Variants in TAFA2 observed in about 807,000 individuals in gnomAD.
The protein encoded by TAFA2 is TAFA chemokine like family member 2.
A neutral mutation model predicts 18.8 loss-of-function variants in TAFA2; 7 were observed. The observed-to-expected ratio is 0.37, with a 90% CI of 0.21 to 0.70. TAFA2 has a LOEUF of 0.70. Ranked by LOEUF, TAFA2 falls within the 30% of genes least tolerant of loss-of-function variation. The pLI is 0.53. For missense variants in TAFA2, 122 were observed against 158.1 expected, an observed-to-expected ratio of 0.77 and a Z score of 1.23; for synonymous variants, 60 against 54.2, an observed-to-expected ratio of 1.11 and a Z score of -0.47.
intron 1 of TAFA2, among the ~76,000 whole-genome samples, chr12:62,211,599 GA>G: frequency 6.7e-6 from 1 of 148,798 alleles, no homozygotes; most frequent in Admixed American, 6.7e-5. Context: ...AAAAAAGGTA[GA>G]AAAATGGCCA....
chr12:62,133,739 T>C (rs1870782494), intron 1 of TAFA2, among the ~76,000 whole-genome samples: 1 of 152,086 alleles, frequency 6.6e-6, no homozygotes, highest in South Asian at 2.1e-4. Flanking sequence ...TTGTTTGTCC[T>C]TGGACTGTAG....
At chr12:61,832,170 C>T (rs1872745275) in intron 2 of TAFA2, among the ~76,000 whole-genome samples, 1 of 152,008 alleles carries the variant, frequency 6.6e-6, no homozygotes, top group East Asian at 1.9e-4. Context: ...CCCTTAGTAA[C>T]TCACTTGTAC....
At position 61,867,452 on chromosome 12, in the gene TAFA2, C is replaced by A. The variant is rs888897143; in HGVS notation, c.-1-26G>T. Reference sequence around the variant, plus strand: ...CTGCAAATAAAAAAATAATAAAAATCATAAGTATGCAAATTCATAGCTTTT... The same window carrying A: ...CTGCAAATAAAAAAATAATAAAAATAATAAGTATGCAAATTCATAGCTTTT... On this transcript the variant is annotated intron_variant, in intron 1 of 4. Coordinates refer to ENST00000416284, the MANE Select transcript of TAFA2 (RefSeq NM_178539.5). 3 of 1,348,504 alleles carry A rather than the reference C, an allele frequency of 2.2e-6. No homozygotes were observed. In the African/African-American group the frequency reaches 4.4e-5, roughly 20 times the overall value. The allele number at this position is 1,348,504 out of a possible 1,614,324, so 83.5% of individuals were successfully genotyped here. A position where few individuals can be genotyped will look rare whatever the true frequency, so the allele number is the denominator to read the frequency against.
chr12:61,734,766 A>G (rs1868277080), intron 4 of TAFA2, among the ~76,000 whole-genome samples: 1 of 151,978 alleles, frequency 6.6e-6, no homozygotes, highest in Admixed American at 6.6e-5. Flanking sequence ...TTTTTTTTAA[A>G]TAAAGAAATA....
chr12:61,797,749 C>T (rs115041258), intron 2 of TAFA2, among the ~76,000 whole-genome samples: 2,847 of 152,204 alleles, frequency 0.019, 85 homozygotes, highest in African/African-American at 0.065. Context: ...CTTTCCATGG[C>T]CATGGGGACA....
chr12:62,088,238 G>T (rs540723378), intron 1 of TAFA2, among the ~76,000 whole-genome samples: 1 of 151,842 alleles, frequency 6.6e-6, no homozygotes, highest in East Asian at 1.9e-4. Flanking sequence ...TTTGTCCATA[G>T]TCACTTAACA....
At chr12:62,119,564 T>A (rs1014041278) in intron 1 of TAFA2, among the ~76,000 whole-genome samples, 3 of 152,234 alleles carry the variant, frequency 2.0e-5, no homozygotes, top group African/African-American at 7.2e-5. Context: ...TTTGCATTCC[T>A]ACTATGACAT....
intron 1 of TAFA2, chr12:62,021,993 T>C: frequency 1.5e-6 from 1 of 673,272 alleles, no homozygotes; most frequent in Non-Finnish European, 2.8e-6. Context: ...GCAGAGACTC[T>C]GCCTGGGCAA....
intron 1 of TAFA2, among the ~76,000 whole-genome samples, chr12:61,901,836 C>T (rs1876114868): frequency 1.3e-5 from 2 of 152,130 alleles, no homozygotes; most frequent in East Asian, 1.9e-4. Context: ...AATAGATATA[C>T]ATCCTGCCTC....
chr12:62,189,574 C>G (rs1445258481), intron 1 of TAFA2, among the ~76,000 whole-genome samples: 1 of 152,124 alleles, frequency 6.6e-6, no homozygotes, highest in African/African-American at 2.4e-5. Context: ...ATTAATCAGT[C>G]TGAGAGTACA....
rs1869248783 is a variant in TAFA2, at chr12:61,708,579, A to C, written c.*1827T>G. 6.6e-6 allele frequency: 1 copy of C among 152,078 alleles called. No homozygotes were observed. Among genetic ancestry groups the C allele is most frequent in the South Asian group, 2.1e-4 (1 of 4,824 alleles). The allele number at this position is 152,078 out of a possible 1,614,324, so 9.4% of individuals were successfully genotyped here. On this transcript the variant is annotated 3_prime_UTR_variant, in exon 5 of 5. Coordinates refer to ENST00000416284, the MANE Select transcript of TAFA2 (RefSeq NM_178539.5). The stretch of plus-strand genomic sequence containing the variant: ...CTAATTGATGCAGAAACCCCAGGGC[A>C]ACTTTTTTTTTATAATTTCATATAG...
intron 1 of TAFA2, among the ~76,000 whole-genome samples, chr12:62,106,893 T>A (rs552122555): frequency 4.6e-5 from 7 of 152,234 alleles, no homozygotes; most frequent in African/African-American, 9.6e-5. Context: ...GTACCTTTTT[T>A]TTATTATTAT....
chr12:61,790,177 T>TAA (rs1555165637), intron 2 of TAFA2, among the ~76,000 whole-genome samples: 78 of 110,038 alleles, frequency 7.1e-4, no homozygotes, highest in East Asian at 1.6e-3. Flanking sequence ...CCCTTCATGA[T>TAA]AAAAAAAAAA....
chr12:62,202,793 T>C (rs1010503714), intron 1 of TAFA2, among the ~76,000 whole-genome samples: 2 of 151,656 alleles, frequency 1.3e-5, no homozygotes, highest in South Asian at 2.1e-4. Flanking sequence ...ACGAGCAAGT[T>C]GTTCAATTTA....
At chr12:61,865,657 CTATT>C (rs1485349358) in intron 2 of TAFA2, among the ~76,000 whole-genome samples, 2 of 152,200 alleles carry the variant, frequency 1.3e-5, no homozygotes, top group Non-Finnish European at 2.9e-5. Flanking sequence ...GAACATAACA[CTATT>C]TAAATGTCTT....
chr12:61,826,822 C>A (rs1872551169), intron 2 of TAFA2, among the ~76,000 whole-genome samples: 2 of 151,560 alleles, frequency 1.3e-5, no homozygotes, highest in Non-Finnish European at 2.9e-5. Context: ...GTACTTTTTT[C>A]TTGGGTTTTA....
chr12:62,227,403 C>A (rs1281877000), intron 1 of TAFA2, among the ~76,000 whole-genome samples: 1 of 152,186 alleles, frequency 6.6e-6, no homozygotes, highest in Non-Finnish European at 1.5e-5. Flanking sequence ...GCAGCAAACT[C>A]TCTGGCAGAA....
intron 1 of TAFA2, among the ~76,000 whole-genome samples, chr12:62,066,442 T>TC (rs1392645825): frequency 6.6e-6 from 1 of 151,656 alleles, no homozygotes; most frequent in Admixed American, 6.6e-5. Context: ...TTCCCCCACT[T>TC]CCCCCCACCA....
chr12:62,059,157 G>GTGTGTGTGTGTGTA (rs1565731013), intron 1 of TAFA2, among the ~76,000 whole-genome samples: 26 of 150,602 alleles, frequency 1.7e-4, no homozygotes, highest in African/African-American at 5.6e-4. Context: ...GTGTGTGTGT[G>GTGTGTGTGTGTGTA]TGTGTGTGTG....
Sources: gnomAD v4.1 joint callset for allele counts (sites outside exome capture counted in the v4.1 genomes callset) on GRCh38, gnomAD v4.1.1 for gene constraint, MANE v1.5 for transcripts, NCBI Gene and HGNC (gene_info 2026-07-23, HGNC 2026-07-21) for gene names.